The following PLXNA4 variants were observed in gnomAD, a reference collection of about 807,000 sequenced individuals.
PLXNA4 encodes the protein plexin A4.
PLXNA4 carries 44 observed loss-of-function variants against 191.8 expected under a neutral mutation model. The observed-to-expected ratio is 0.23, with a 90% CI of 0.18 to 0.29. The LOEUF (loss-of-function observed/expected upper bound fraction) is 0.29. Among genes scored for constraint, PLXNA4 ranks in the 10% least tolerant of loss-of-function variants. The pLI, the probability that PLXNA4 is intolerant of heterozygous loss-of-function variation, is 1.00. For synonymous variants in PLXNA4, 1,082 were observed against 1,009.5 expected (o/e 1.07, Z -1.36); for missense variants, 1,800 against 2,488.8 (o/e 0.72, Z 5.89).
intron 1 of PLXNA4, among the ~76,000 whole-genome samples, chr7:132,519,805 C>T (rs190971664): frequency 6.6e-5 from 10 of 152,356 alleles, no homozygotes; most frequent in Admixed American, 5.9e-4. Context: ...GCCAAGGATA[C>T]TATTGGCATC....
chr7:132,298,447 T>G (rs1008118859), intron 3 of PLXNA4, among the ~76,000 whole-genome samples: 6 of 152,178 alleles, frequency 3.9e-5, no homozygotes, highest in African/African-American at 1.4e-4. Flanking sequence ...TCACCAAGAA[T>G]CCAGTCTTAA....
rs1803707600 is a variant in PLXNA4 at position 132,639,983 on chromosome 7, T to C, written c.-87+5945A>G. 2.6e-5 allele frequency among the ~76,000 whole-genome samples: 4 copies of C among 152,346 alleles called. No individual in the cohort carries two copies. The South Asian group carries it at 8.3e-4, about 32-fold the overall frequency. On this transcript the variant is annotated intron_variant, in intron 2 of 4. Transcript: ENST00000378539. ...TGTGAGTCGAGGGGATTCAGCTAGA[T>C]TTCTAAGGATTGCAGAGCTCCAATA...
At chr7:132,224,486 T>C (rs1275103526) in intron 8 of PLXNA4, among the ~76,000 whole-genome samples, 1 of 152,212 alleles carries the variant, frequency 6.6e-6, no homozygotes, top group Non-Finnish European at 1.5e-5. Flanking sequence ...GCTCCTCTAC[T>C]AGTCTGTAGG....
chr7:132,584,808 T>C (rs1315669480), intron 2 of PLXNA4, among the ~76,000 whole-genome samples: 1 of 152,180 alleles, frequency 6.6e-6, no homozygotes, highest in Non-Finnish European at 1.5e-5. Flanking sequence ...AAGTACTACG[T>C]TCTCCATTTT....
At chr7:132,262,104 C>CT (rs1275884639) in intron 4 of PLXNA4, among the ~76,000 whole-genome samples, 3 of 152,196 alleles carry the variant, frequency 2.0e-5, no homozygotes, top group Non-Finnish European at 4.4e-5. Context: ...CCCGGGTTGC[C>CT]CCCCTTTCCC....
chr7:132,373,263 C>T (rs1804517912), intron 3 of PLXNA4, among the ~76,000 whole-genome samples: 1 of 152,132 alleles, frequency 6.6e-6, no homozygotes, highest in Admixed American at 6.5e-5. Context: ...GCCCCAGCAA[C>T]CAGGGATGCC....
intron 3 of PLXNA4, among the ~76,000 whole-genome samples, chr7:132,414,993 C>A (rs1794610162): frequency 6.6e-6 from 1 of 152,220 alleles, no homozygotes; most frequent in African/African-American, 2.4e-5. Flanking sequence ...ACACAGGCCC[C>A]TACCCTTTCC....
In PLXNA4 at chr7:132,159,560, T is replaced by C. The variant is rs377610333; in HGVS notation, c.4573A>G (p.Ile1525Val). The change falls in exon 25 of 32, where the codon ATC becomes GTC. Residue 1525 changes from isoleucine to valine, a missense_variant. Transcript: ENST00000321063. ...AGAATCTTCTCCTTGACCTGAGTGA[T>C]GGTGTCACAGTTGAGGATCTTTACT... ...VPVKILNCDT[I>V]TQVKEKILDA... 6.2e-7 allele frequency: 1 copy of C among 1,614,138 alleles called. No homozygotes were observed. The highest frequency in any genetic ancestry group is 1.1e-5 in the South Asian group (1 of 91,070).
intron 9 of PLXNA4, among the ~76,000 whole-genome samples, chr7:132,220,965 G>T (rs949332943): frequency 6.6e-6 from 1 of 151,388 alleles, no homozygotes; most frequent in South Asian, 2.1e-4. Context: ...GACAGGCATC[G>T]CCATGCCCAG....
Position 132,194,103 on chromosome 7 carries a change from G to A in PLXNA4, c.2815C>T (p.Pro939Ser), listed in dbSNP as rs1367090318. The change falls in exon 14 of 32, where the codon CCT becomes TCT. Residue 939 changes from proline (P) to serine (S), a missense_variant. Pro to Ser is a moderately conservative substitution (Grantham distance 74, BLOSUM62 -1). Coordinates refer to ENST00000321063, the MANE Select transcript of PLXNA4 (RefSeq NM_020911.2). ...FVEICVAVCR[P>S]EFMARSSQLY... is the part of the protein sequence containing the mutation. Reference sequence around the variant, plus strand: ...TGTGAGGACCGGGCCATGAATTCAGGCCGACACACAGCCACGCAGATCTCC... The same window carrying A: ...TGTGAGGACCGGGCCATGAATTCAGACCGACACACAGCCACGCAGATCTCC... 12 of 1,613,684 alleles carry A rather than the reference G, an allele frequency of 7.4e-6. No homozygotes were observed. The highest frequency in any genetic ancestry group is 8.5e-6 in the Non-Finnish European group (10 of 1,179,884).
intron 10 of PLXNA4, among the ~76,000 whole-genome samples, chr7:132,207,286 C>T (rs1797656390): frequency 6.6e-6 from 1 of 152,204 alleles, no homozygotes; most frequent in Non-Finnish European, 1.5e-5. Flanking sequence ...TGGTAAATGA[C>T]GGTGCCAAGA....
intron 3 of PLXNA4, among the ~76,000 whole-genome samples, chr7:132,382,026 A>G (rs555402585): frequency 2.8e-4 from 14 of 50,036 alleles, no homozygotes; most frequent in Admixed American, 1.9e-3. Context: ...AGGAGGGGGG[A>G]AAACACAGAA....
In PLXNA4 at chr7:132,188,978, GGAAA is replaced by G. The variant is rs1173492828; in HGVS notation, c.2857-1375_2857-1372del. Among the ~76,000 whole-genome samples the G allele has an allele frequency of 1.2e-3, 63 of 51,672 alleles. 5 individuals are homozygous for G. In the East Asian group the frequency reaches 0.039, roughly 32 times the overall value. The allele number at this position is 51,672 out of a possible 152,430, so 33.9% of individuals were successfully genotyped here. ...GGAAAGGAAAGGAAAGGAAAGGAAA[GGAAA>G]GGAAAGGAAAGGAGAGAGAGAGAGA... On this transcript the variant is annotated intron_variant, in intron 14 of 31. Transcript: ENST00000321063.
intron 3 of PLXNA4, among the ~76,000 whole-genome samples, chr7:132,412,137 C>T (rs1366931798): frequency 6.6e-6 from 1 of 152,198 alleles, no homozygotes; most frequent in Non-Finnish European, 1.5e-5. Context: ...AACATTCCAG[C>T]CTTCCATTCT....
chr7:132,611,652 G>T (rs1023769667), intron 2 of PLXNA4, among the ~76,000 whole-genome samples: 11 of 152,220 alleles, frequency 7.2e-5, no homozygotes, highest in Non-Finnish European at 1.3e-4. Flanking sequence ...CATAGGTAGA[G>T]TCTGGCCTAG....
In PLXNA4 at chr7:132,632,546, G is replaced by A. The variant is rs573746552; in HGVS notation, c.-87+13382C>T. ...GGCTCTTACTCATTATCTACCTCCC[G>A]GGATAGAAATGTAGCATCCATCTCT... On this transcript the variant is annotated intron_variant, in intron 2 of 4. Coordinates refer to the PLXNA4 transcript ENST00000378539. 2.2e-4 allele frequency among the ~76,000 whole-genome samples: 34 copies of A among 152,216 alleles called. No homozygotes were observed. The South Asian group carries it at 2.3e-3, about 10-fold the overall frequency.
chr7:132,309,118 G>A (rs1387356674), intron 3 of PLXNA4, among the ~76,000 whole-genome samples: 8 of 152,292 alleles, frequency 5.3e-5, no homozygotes, highest in Non-Finnish European at 7.4e-5. Flanking sequence ...AACTTCCCGT[G>A]GCTGCCCTGA....
intron 3 of PLXNA4, among the ~76,000 whole-genome samples, chr7:132,393,634 A>T (rs956754072): frequency 1.3e-5 from 2 of 152,240 alleles, no homozygotes; most frequent in African/African-American, 4.8e-5. Flanking sequence ...GCAGCAAGAC[A>T]TAGTCCCGGC....
At chr7:132,493,468 C>T (rs1797882252) in intron 2 of PLXNA4, among the ~76,000 whole-genome samples, 2 of 152,156 alleles carry the variant, frequency 1.3e-5, no homozygotes, top group South Asian at 4.1e-4. Context: ...GACCTAGAAG[C>T]CCTGAGAGGG....
Sources: gnomAD v4.1 joint callset for allele counts (sites outside exome capture counted in the v4.1 genomes callset) on GRCh38, gnomAD v4.1.1 for gene constraint, MANE v1.5 for transcripts, NCBI Gene and HGNC (gene_info 2026-07-23, HGNC 2026-07-21) for gene names.